Variants in NBEA observed in about 807,000 individuals in gnomAD.
NBEA encodes lysosomal-trafficking regulator 2.
Under a neutral mutation model 343.4 loss-of-function variants are expected in NBEA, and 44 were observed. The observed-to-expected ratio is 0.13, with a 90% confidence interval of 0.10 to 0.16. NBEA has a LOEUF of 0.16. Among genes scored for constraint, NBEA ranks in the 10% least tolerant of loss-of-function variants. The probability of loss-of-function intolerance (pLI) is 1.00; values close to 1 mark genes in which losing one functional copy is unlikely to be tolerated. For missense variants in NBEA, 2,555 were observed against 3,631.3 expected, an observed-to-expected ratio of 0.70 and a Z score of 7.62; for synonymous variants, 1,175 against 1,238.7, an observed-to-expected ratio of 0.95 and a Z score of 1.08.
At chr13:34,963,502 TG>T (rs892164051) in intron 1 of NBEA, among the ~76,000 whole-genome samples, 2 of 151,978 alleles carry the variant, frequency 1.3e-5, no homozygotes, top group African/African-American at 4.8e-5. Flanking sequence ...TATGAATTTT[TG>T]GGGGGATACA....
At chr13:35,207,500 T>C (rs1336163106) in intron 31 of NBEA, among the ~76,000 whole-genome samples, 1 of 152,148 alleles carries the variant, frequency 6.6e-6, no homozygotes, top group Non-Finnish European at 1.5e-5. Flanking sequence ...TAAATGAAGT[T>C]TGCAGTGCTA....
intron 33 of NBEA, among the ~76,000 whole-genome samples, chr13:35,216,219 G>A (rs966474300): frequency 3.3e-5 from 5 of 151,028 alleles, no homozygotes; most frequent in East Asian, 1.9e-4. Context: ...TTTACATCAC[G>A]TTTGCTTGCT....
intron 17 of NBEA, among the ~76,000 whole-genome samples, chr13:35,130,551 A>G (rs1330648347): frequency 6.6e-6 from 1 of 152,082 alleles, no homozygotes; most frequent in East Asian, 1.9e-4. Flanking sequence ...AAATGCGTAT[A>G]CACTTAGTGT....
intron 1 of NBEA, among the ~76,000 whole-genome samples, chr13:34,946,847 GTT>G (rs778860351): frequency 2.3e-5 from 3 of 130,240 alleles, no homozygotes; most frequent in Admixed American, 7.7e-5. Context: ...TAACTTTAAG[GTT>G]TTTTTTTTTT....
Position 34,942,782 on chromosome 13 carries a change from A to C in NBEA, c.-39A>C. On this transcript the variant is annotated 5_prime_UTR_variant, in exon 1 of 59. Coordinates refer to ENST00000379939, the MANE Select transcript of NBEA (RefSeq NM_001385012.1). ...CAGGTATAACGGTACCGGCGGCGGC[A>C]GCGCCGCTGCTCTTCCCTTCTCCTC... 7.7e-7 allele frequency: 1 copy of C among 1,299,184 alleles called. No homozygotes were observed. Among genetic ancestry groups the C allele is most frequent in the Non-Finnish European group, 9.8e-7 (1 of 1,023,500 alleles). The allele number at this position is 1,299,184 out of a possible 1,614,324, so 80.5% of individuals were successfully genotyped here. A position where few individuals can be genotyped will look rare whatever the true frequency, so the allele number is the denominator to read the frequency against.
At chr13:35,166,337 C>T (rs1012872216) in intron 24 of NBEA, among the ~76,000 whole-genome samples, 2 of 152,084 alleles carry the variant, frequency 1.3e-5, no homozygotes, top group African/African-American at 4.8e-5. Context: ...AACATACATA[C>T]TATTGCACCA....
intron 46 of NBEA, among the ~76,000 whole-genome samples, chr13:35,588,025 A>G (rs12428239): frequency 0.11 from 16,413 of 152,152 alleles, 1,093 homozygotes; most frequent in African/African-American, 0.19. Context: ...AAATGTTATC[A>G]TTTAAACATG....
At chr13:35,514,649 T>C (rs927398933) in intron 41 of NBEA, among the ~76,000 whole-genome samples, 11 of 152,348 alleles carry the variant, frequency 7.2e-5, no homozygotes, top group African/African-American at 2.6e-4. Flanking sequence ...TGTTCATTTT[T>C]GCTGTTTTCT....
chr13:35,113,369 C>A (rs904011471), intron 13 of NBEA, among the ~76,000 whole-genome samples: 1 of 152,074 alleles, frequency 6.6e-6, no homozygotes, highest in South Asian at 2.1e-4. Context: ...TACAAAATCA[C>A]TCCTTTCTCT....
At chr13:35,307,124 T>C (rs1336984211) in intron 35 of NBEA, among the ~76,000 whole-genome samples, 2 of 152,044 alleles carry the variant, frequency 1.3e-5, no homozygotes, top group Non-Finnish European at 2.9e-5. Context: ...TTTTTTTATC[T>C]CAACTTCTCT....
At chr13:35,629,229 A>G (rs1350439139) in intron 49 of NBEA, among the ~76,000 whole-genome samples, 2 of 152,208 alleles carry the variant, frequency 1.3e-5, no homozygotes, top group African/African-American at 4.8e-5. Flanking sequence ...CCAGTCTTCC[A>G]TTCTACCAGA....
At chr13:35,058,605 C>A in intron 7 of NBEA, 112 bp from the exon 8 acceptor site, 1 of 838,364 alleles carries the variant, frequency 1.2e-6, no homozygotes, top group Non-Finnish European at 1.9e-6. Context: ...ATGCTTTCTT[C>A]TATTATTATT....
intron 30 of NBEA, among the ~76,000 whole-genome samples, chr13:35,187,371 T>C (rs868348813): frequency 2.0e-5 from 3 of 151,992 alleles, no homozygotes; most frequent in South Asian, 4.1e-4. Flanking sequence ...GGACTCTTAG[T>C]TTCTAGGCTT....
chr13:35,421,445 CT>C (rs1483965379), intron 38 of NBEA, among the ~76,000 whole-genome samples: 1 of 152,012 alleles, frequency 6.6e-6, no homozygotes, highest in African/African-American at 2.4e-5. Context: ...ACACTATGTC[CT>C]TTCACATCCC....
intron 48 of NBEA, among the ~76,000 whole-genome samples, chr13:35,620,576 C>T (rs1019677865): frequency 6.6e-6 from 1 of 151,990 alleles, no homozygotes; most frequent in Non-Finnish European, 1.5e-5. Flanking sequence ...GCCTTTTTAC[C>T]CTGAGTAAAA....
chr13:35,113,709 A>G (rs1165625995), intron 13 of NBEA, among the ~76,000 whole-genome samples: 1 of 152,080 alleles, frequency 6.6e-6, no homozygotes, highest in African/African-American at 2.4e-5. Flanking sequence ...CTTTCTTTGC[A>G]AAGGGCCAGA....
intron 10 of NBEA, among the ~76,000 whole-genome samples, chr13:35,091,231 G>C (rs2065066236): frequency 2.0e-5 from 3 of 152,000 alleles, no homozygotes; most frequent in Middle Eastern, 6.8e-3. Context: ...AGTGGCCCTG[G>C]ATATGAACAG....
intron 38 of NBEA, among the ~76,000 whole-genome samples, chr13:35,400,336 A>G (rs2042946432): frequency 6.6e-6 from 1 of 151,758 alleles, no homozygotes; most frequent in Admixed American, 6.6e-5. Flanking sequence ...TATCTATGAA[A>G]TTTGGGTATT....
chr13:35,632,470 G>A (rs2083493066), intron 49 of NBEA, among the ~76,000 whole-genome samples: 1 of 151,968 alleles, frequency 6.6e-6, no homozygotes, highest in Admixed American at 6.5e-5. Flanking sequence ...TCTACTAAAG[G>A]TGTGTTAGAA....
Sources: allele counts gnomAD v4.1 joint callset (sites outside exome capture counted in the v4.1 genomes callset), GRCh38; gene constraint gnomAD v4.1.1; transcripts MANE v1.5; gene names NCBI Gene and HGNC (gene_info 2026-07-23, HGNC 2026-07-21).